GSDME: variants seen among roughly 807,000 people sequenced by gnomAD.
The protein encoded by GSDME is gasdermin-E.
Under a neutral mutation model 47.5 loss-of-function variants are expected in GSDME, and 44 were observed. The observed-to-expected ratio is 0.93, with a 90% CI of 0.73 to 1.19. The LOEUF is 1.19. GSDME is among the 50% of genes most tolerant of loss of function. GSDME has a pLI of 0.00. For synonymous variants in GSDME, 258 were observed against 252.8 expected, an observed-to-expected ratio of 1.02 and a Z score of -0.20; for missense variants, 663 against 604.2, an observed-to-expected ratio of 1.10 and a Z score of -1.02.
At chr7:24,746,608 G>T (rs1790677506) in intron 2 of GSDME, among the ~76,000 whole-genome samples, 1 of 152,124 alleles carries the variant, frequency 6.6e-6, no homozygotes, top group Admixed American at 6.5e-5. Context: ...ACACAGGTCT[G>T]GTCTTAGGCT....
intron 9 of GSDME, among the ~76,000 whole-genome samples, chr7:24,701,565 A>G (rs891633756): frequency 1.3e-5 from 2 of 152,016 alleles, no homozygotes; most frequent in African/African-American, 4.8e-5. Context: ...GGGAAGGACT[A>G]ACTTAGTAAA....
intron 2 of GSDME, among the ~76,000 whole-genome samples, chr7:24,746,958 C>T (rs550947555): frequency 1.3e-5 from 2 of 152,352 alleles, no homozygotes; most frequent in Non-Finnish European, 2.9e-5. Flanking sequence ...CTTCTCGTCA[C>T]CGCCCTAACA....
rs961178498 is a variant in GSDME, at chr7:24,708,763, G to A, written c.863-509C>T. On this transcript the variant is annotated intron_variant, in intron 6 of 9. Transcript: ENST00000645220. ...AAGGGGCTGGCACCCTATTTTCATG[G>A]CAAGCACAGCTATTCTTTCTCTATC... Among the ~76,000 whole-genome samples, 7 of 152,120 alleles carry A rather than the reference G, an allele frequency of 4.6e-5. No individual in the cohort carries two copies. The East Asian group carries it at 1.3e-3, about 29-fold the overall frequency.
intron 8 of GSDME, 146 bp from the exon 9 acceptor site, chr7:24,702,979 T>A: frequency 1.5e-6 from 1 of 651,534 alleles, no homozygotes; most frequent in Non-Finnish European, 2.8e-6. Flanking sequence ...AGTTAGTGAA[T>A]GAATGGTGCT....
chr7:24,790,373 G>C, the GSDME span, among the ~76,000 whole-genome samples: 2 of 152,222 alleles, frequency 1.3e-5, no homozygotes, highest in African/African-American at 4.8e-5. The surrounding 1 kb of genome is among the most constrained non-coding windows in gnomAD (Gnocchi z 4.1). Flanking sequence ...TTCTCTCAGG[G>C]GGCCATTCAT....
At chr7:24,768,371 T>C in the GSDME span, among the ~76,000 whole-genome samples, 12 of 151,764 alleles carry the variant, frequency 7.9e-5, no homozygotes, top group African/African-American at 4.8e-5. The surrounding 1 kb of genome is among the most constrained non-coding windows in gnomAD (Gnocchi z 5.6). Flanking sequence ...CCATGTAAGG[T>C]GTAGCGGAGG....
In GSDME at chr7:24,739,047, G is replaced by A. The variant is rs1728786187; in HGVS notation, c.404+5515C>T. ...GAAACTACTATAAGAAAACACGAGG[G>A]AAACTCTCTAGGACATTGAACTGGG... is the stretch of plus-strand genomic sequence containing the variant. On this transcript the variant is annotated intron_variant, in intron 3 of 9. Transcript: ENST00000645220. The surrounding 1 kb of genome is among the most constrained non-coding windows in gnomAD (Gnocchi z 5.1). 6.6e-6 allele frequency among the ~76,000 whole-genome samples: 1 copy of A among 152,082 alleles called. No homozygotes were observed. The highest frequency in any genetic ancestry group is 1.5e-5 in the Non-Finnish European group (1 of 68,012).
chr7:24,717,938 C>G (rs1051817790), intron 4 of GSDME, among the ~76,000 whole-genome samples: 1 of 152,208 alleles, frequency 6.6e-6, no homozygotes, highest in East Asian at 1.9e-4. Flanking sequence ...ACAAACAGGA[C>G]CCCTTCCCAC....
Position 24,755,806 on chromosome 7 carries a change from G to A in GSDME, c.-20+1590C>T, listed in dbSNP as rs559528785. On this transcript the variant is annotated intron_variant, in intron 1 of 9. Transcript: ENST00000645220. The stretch of plus-strand genomic sequence containing the variant: ...AACATAAGAAAGTGCCCTTGAAAAA[G>A]GTAAACCTCAGTTACGGTGGAAACA... Among the ~76,000 whole-genome samples, 4 of 152,216 alleles carry A rather than the reference G, an allele frequency of 2.6e-5. No individual in the cohort carries two copies. In the East Asian group the frequency reaches 7.7e-4, roughly 29 times the overall value.
At chr7:24,793,868 C>CT in the GSDME span, among the ~76,000 whole-genome samples, 10 of 148,398 alleles carry the variant, frequency 6.7e-5, no homozygotes, top group Non-Finnish European at 7.4e-5. Context: ...TATTTTTCTA[C>CT]TTTTTTTCTG....
In GSDME at chr7:24,725,044, G is replaced by A. The variant is rs75349466; in HGVS notation, c.405-5826C>T. ...GCTTCTGGAGGCCTCACCAAGAGCA[G>A]ATGCTGGCACCATGCTTCCTGTACA... On this transcript the variant is annotated intron_variant, in intron 3 of 9. Transcript: ENST00000645220. This position sits in a 1 kb window ranked among gnomAD's most constrained non-coding sequence, Gnocchi z 5.1. 0.038 allele frequency among the ~76,000 whole-genome samples: 5,820 copies of A among 152,282 alleles called. 156 individuals are homozygous for A. The highest frequency in any genetic ancestry group is 0.057 in the Non-Finnish European group (3,870 of 68,014).
intron 8 of GSDME, chr7:24,704,252 T>C (rs1291033629): frequency 2.6e-5 from 4 of 152,226 alleles, no homozygotes; most frequent in African/African-American, 9.6e-5. Context: ...CCAATTCTAT[T>C]TTACAAATAG....
intron 5 of GSDME, among the ~76,000 whole-genome samples, chr7:24,713,804 A>C (rs1445487490): frequency 3.9e-5 from 6 of 152,256 alleles, no homozygotes; most frequent in Non-Finnish European, 7.3e-5. Flanking sequence ...GAATCAGAGT[A>C]GCCAGTTACG....
chr7:24,767,550 T>TA, the GSDME span, among the ~76,000 whole-genome samples: 964 of 152,014 alleles, frequency 6.3e-3, 12 homozygotes, highest in African/African-American at 0.021. The surrounding 1 kb of genome is among the most constrained non-coding windows in gnomAD (Gnocchi z 5.3). Flanking sequence ...TCTGTTTTTC[T>TA]AAAAAAGTGA....
At chr7:24,778,909 T>C in the GSDME span, among the ~76,000 whole-genome samples, 1 of 152,178 alleles carries the variant, frequency 6.6e-6, no homozygotes, top group Admixed American at 6.5e-5. The surrounding 1 kb of genome is among the most constrained non-coding windows in gnomAD (Gnocchi z 5.6). Context: ...GGAGGGCATC[T>C]TGCAAGCTGC....
At position 24,732,682 on chromosome 7, in the gene GSDME, G is replaced by A. The variant is rs1199521550; in HGVS notation, c.404+11880C>T. On this transcript the variant is annotated intron_variant, in intron 3 of 9. Coordinates refer to ENST00000645220, the MANE Select transcript of GSDME (RefSeq NM_001127453.2). The surrounding 1 kb of genome is among the most constrained non-coding windows in gnomAD (Gnocchi z 4.8). Reference sequence around the variant, plus strand: ...CATGGAACTCAGTGCTGCCAACACCGGGCAGAACTCAGCCAGCGCCCACTG... The same window carrying A: ...CATGGAACTCAGTGCTGCCAACACCAGGCAGAACTCAGCCAGCGCCCACTG... Among the ~76,000 whole-genome samples, 5 of 152,286 alleles carry A rather than the reference G, an allele frequency of 3.3e-5. No homozygotes were observed. The highest frequency in any genetic ancestry group is 1.9e-4 in the East Asian group (1 of 5,176).
the GSDME span, among the ~76,000 whole-genome samples, chr7:24,784,355 T>A: frequency 6.6e-6 from 1 of 152,184 alleles, no homozygotes; most frequent in African/African-American, 2.4e-5. Flanking sequence ...ATAGGCCACC[T>A]GCAAGCTGAG....
chr7:24,792,728 C>A, the GSDME span, among the ~76,000 whole-genome samples: 2 of 151,840 alleles, frequency 1.3e-5, no homozygotes, highest in Admixed American at 1.3e-4. Flanking sequence ...GAGTCCATCC[C>A]TTTTTTGCTG....
rs1309591816 is a variant in GSDME, at chr7:24,725,749, A to T, written c.405-6531T>A. 6.6e-6 allele frequency among the ~76,000 whole-genome samples: 1 copy of T among 152,172 alleles called. No individual in the cohort carries two copies. The highest frequency in any genetic ancestry group is 6.5e-5 in the Admixed American group (1 of 15,276). ...TGATTAGGTCAGGGGTCAATCTTTA[A>T]CGACCAGGCCCAGGGTGTGACGCCG... On this transcript the variant is annotated intron_variant, in intron 3 of 9. Coordinates refer to ENST00000645220, the MANE Select transcript of GSDME (RefSeq NM_001127453.2). The surrounding 1 kb of genome is among the most constrained non-coding windows in gnomAD (Gnocchi z 5.1).
Sources: allele counts gnomAD v4.1 joint callset (sites outside exome capture counted in the v4.1 genomes callset), GRCh38; gene constraint gnomAD v4.1.1; non-coding constraint Gnocchi (gnomAD v3.1); transcripts MANE v1.5; gene names NCBI Gene and HGNC (gene_info 2026-07-23, HGNC 2026-07-21).